The following UBAC2 variants were observed in gnomAD, a reference collection of about 807,000 sequenced individuals.
UBAC2 encodes the protein ubiquitin-associated domain-containing protein 2.
UBAC2 carries 26 observed loss-of-function variants against 44.0 expected under a neutral mutation model. That is an observed-to-expected ratio of 0.59 (90% CI 0.43 to 0.82). The LOEUF (loss-of-function observed/expected upper bound fraction) is 0.82, where lower values mean the gene tolerates loss of function less well. Among genes scored for constraint, UBAC2 ranks in the 40% least tolerant of loss-of-function variants. The pLI is 0.00. For synonymous variants in UBAC2, 155 were observed against 154.3 expected, an observed-to-expected ratio of 1.00 and a Z score of -0.04; for missense variants, 329 against 419.4, an observed-to-expected ratio of 0.78 and a Z score of 1.88.
At chr13:99,207,769 C>T (rs1198706668) in intron 1 of UBAC2, among the ~76,000 whole-genome samples, 1 of 152,064 alleles carries the variant, frequency 6.6e-6, no homozygotes, top group Non-Finnish European at 1.5e-5. Context: ...CATTTGAGGC[C>T]TGCACTCTCC....
intron 7 of UBAC2, among the ~76,000 whole-genome samples, chr13:99,354,950 G>A (rs1470320045): frequency 6.6e-6 from 1 of 151,752 alleles, no homozygotes; most frequent in Non-Finnish European, 1.5e-5. Context: ...TTGATGGACA[G>A]AGGAGAGCTG....
intron 2 of UBAC2, among the ~76,000 whole-genome samples, chr13:99,241,944 G>C (rs561105465): frequency 1.3e-5 from 2 of 149,230 alleles, no homozygotes; most frequent in Non-Finnish European, 1.5e-5. Flanking sequence ...TGACTCTTAA[G>C]GAGCATGCTG....
chr13:99,299,782 G>A (rs1432103566), intron 4 of UBAC2, among the ~76,000 whole-genome samples: 1 of 152,110 alleles, frequency 6.6e-6, no homozygotes, highest in Non-Finnish European at 1.5e-5. Flanking sequence ...CCTCACAGCA[G>A]CCCTATGAGC....
intron 4 of UBAC2, among the ~76,000 whole-genome samples, chr13:99,291,762 T>TTG (rs1217134199): frequency 1.3e-5 from 2 of 152,238 alleles, no homozygotes; most frequent in Non-Finnish European, 2.9e-5. Context: ...GCATATGTAA[T>TTG]TGAATATTTG....
intron 4 of UBAC2, among the ~76,000 whole-genome samples, chr13:99,272,743 C>T (rs2043832139): frequency 6.6e-6 from 1 of 152,098 alleles, no homozygotes; most frequent in South Asian, 2.1e-4. Context: ...CTCACCTAAA[C>T]CTAATTGCCT....
At chr13:99,274,197 A>G (rs953327381) in intron 4 of UBAC2, among the ~76,000 whole-genome samples, 1 of 149,842 alleles carries the variant, frequency 6.7e-6, no homozygotes, top group Non-Finnish European at 1.5e-5. Flanking sequence ...AGAGATGTGG[A>G]CTCTTCTGTA....
At chr13:99,334,052 C>G (rs4771328) in intron 6 of UBAC2, among the ~76,000 whole-genome samples, 7 of 152,182 alleles carry the variant, frequency 4.6e-5, no homozygotes, top group Non-Finnish European at 1.0e-4. Context: ...GGTCAAGTGA[C>G]CCTCCCACAT....
At chr13:99,372,841 G>A (rs1055924338) in intron 8 of UBAC2, among the ~76,000 whole-genome samples, 3 of 152,208 alleles carry the variant, frequency 2.0e-5, no homozygotes, top group East Asian at 1.9e-4. Context: ...CAGGCCGGGC[G>A]CGGTGGCCCA....
intron 6 of UBAC2, among the ~76,000 whole-genome samples, chr13:99,338,904 C>A (rs2044841737): frequency 6.6e-6 from 1 of 152,324 alleles, no homozygotes; most frequent in South Asian, 2.1e-4. Context: ...TCACTGGCAG[C>A]CCTGTCTCAG....
chr13:99,259,040 T>G (rs558283188), intron 4 of UBAC2, among the ~76,000 whole-genome samples: 1 of 152,322 alleles, frequency 6.6e-6, no homozygotes, highest in African/African-American at 2.4e-5. Context: ...GCATAAAAAT[T>G]TCTGCAAATC....
At chr13:99,233,853 G>A (rs932358955) in intron 1 of UBAC2, among the ~76,000 whole-genome samples, 3 of 152,124 alleles carry the variant, frequency 2.0e-5, no homozygotes, top group Admixed American at 6.6e-5. Context: ...CCGATGAAGC[G>A]TAAGTATTTC....
At position 99,233,687 on chromosome 13, in the gene UBAC2, A is replaced by G. The variant is rs185629479; in HGVS notation, c.32-4740A>G. ...TCCATGAGTGTAGAGTGATACCGAG[A>G]TACAAGGAGAATGAAGACAGAAGGC... is the stretch of plus-strand genomic sequence containing the variant. On this transcript the variant is annotated intron_variant, in intron 1 of 8. Transcript: ENST00000403766. Among the ~76,000 whole-genome samples the G allele has an allele frequency of 6.6e-5, 10 of 152,332 alleles. No individual in the cohort carries two copies. The East Asian group carries it at 1.9e-3, about 29-fold the overall frequency.
rs1265900257 is a variant in UBAC2, at chr13:99,238,552, C to G, written c.157C>G (p.Gln53Glu). Residue 53 changes from glutamine (Q) to glutamate (E), a missense_variant and splice_region_variant, in exon 2 of 9, where the codon CAG (glutamine) becomes GAG (glutamate). Coordinates refer to ENST00000403766, the MANE Select transcript of UBAC2 (RefSeq NM_001144072.2). ...YDLHAVKNDF[Q>E]IWRLICGRII... ...CCTTCACGCAGTCAAGAACGACTTC[C>G]AGGTAAGCTCTGCCTCATTGGCCCC... The G allele has an allele frequency of 1.9e-6, 3 of 1,606,032 alleles. No individual in the cohort carries two copies. In the East Asian group the frequency reaches 6.7e-5, roughly 36 times the overall value.
chr13:99,303,786 C>T (rs1031320378), intron 4 of UBAC2, among the ~76,000 whole-genome samples: 1 of 152,136 alleles, frequency 6.6e-6, no homozygotes, highest in African/African-American at 2.4e-5. Flanking sequence ...TAGGGAGGAA[C>T]ATTAAATATC....
At chr13:99,331,980 G>C in intron 6 of UBAC2, among the ~76,000 whole-genome samples, 1 of 152,156 alleles carries the variant, frequency 6.6e-6, no homozygotes, top group Admixed American at 6.5e-5. Context: ...GAGGGCACAT[G>C]AAGTCTATGT....
intron 6 of UBAC2, among the ~76,000 whole-genome samples, chr13:99,330,025 T>A (rs1418379001): frequency 2.0e-5 from 3 of 152,240 alleles, no homozygotes; most frequent in African/African-American, 7.2e-5. Flanking sequence ...AATTCCCCTT[T>A]GCAATTTTTA....
intron 1 of UBAC2, among the ~76,000 whole-genome samples, chr13:99,209,226 G>T (rs1448069579): frequency 6.6e-6 from 1 of 152,122 alleles, no homozygotes; most frequent in African/African-American, 2.4e-5. Context: ...TTGGTATGAA[G>T]GTGTGGCTGT....
Position 99,318,103 on chromosome 13 carries a change from TC to T in UBAC2, c.561+35del, listed in dbSNP as rs372030900. 2.3e-4 allele frequency: 364 copies of T among 1,574,736 alleles called. 1 individual carries two copies. In the African/African-American group the frequency reaches 4.6e-3, roughly 20 times the overall value. ...GACTACCCTTTTACACCCAATTCTC[TC>T]TCTCTCCTGTAAAAACATTAGGAAA... On this transcript the variant is annotated intron_variant, in intron 6 of 8. Transcript: ENST00000403766.
At chr13:99,377,804 G>A (rs1261804788) in intron 8 of UBAC2, among the ~76,000 whole-genome samples, 3 of 152,126 alleles carry the variant, frequency 2.0e-5, no homozygotes, top group East Asian at 1.9e-4. Flanking sequence ...TCATGTGCCC[G>A]TCACTGTTCT....
Sources: gnomAD v4.1 joint callset for allele counts (sites outside exome capture counted in the v4.1 genomes callset) on GRCh38, gnomAD v4.1.1 for gene constraint, MANE v1.5 for transcripts, NCBI Gene and HGNC (gene_info 2026-07-23, HGNC 2026-07-21) for gene names.